CNTNAP5: variants seen among roughly 807,000 people sequenced by gnomAD.
CNTNAP5 encodes contactin associated protein family member 5.
CNTNAP5 carries 72 observed loss-of-function variants against 150.2 expected under a neutral mutation model. The observed-to-expected ratio is 0.48, with a 90% CI of 0.40 to 0.58. CNTNAP5 has a LOEUF of 0.58. Ranked by LOEUF, CNTNAP5 falls within the 20% of genes least tolerant of loss-of-function variation. CNTNAP5 has a pLI of 0.00. For synonymous variants in CNTNAP5, 672 were observed against 619.8 expected (o/e 1.08, Z -1.25); for missense variants, 1,636 against 1,626.2 (o/e 1.01, Z -0.10).
chr2:124,333,875 A>G (rs1478224778), intron 3 of CNTNAP5, among the ~76,000 whole-genome samples: 1 of 152,172 alleles, frequency 6.6e-6, no homozygotes, highest in Non-Finnish European at 1.5e-5. Flanking sequence ...ACAAATCTGA[A>G]TTTGCCCGCT....
At chr2:124,399,850 A>G (rs938838545) in intron 3 of CNTNAP5, among the ~76,000 whole-genome samples, 1 of 152,138 alleles carries the variant, frequency 6.6e-6, no homozygotes, top group Non-Finnish European at 1.5e-5. Context: ...CTGACACTTT[A>G]TTATTTGCCT....
chr2:124,757,878 T>C (rs1013425984), intron 14 of CNTNAP5, among the ~76,000 whole-genome samples: 4 of 152,194 alleles, frequency 2.6e-5, no homozygotes, highest in Admixed American at 2.0e-4. Context: ...AAGGCAACAG[T>C]GATTTAAAAT....
intron 13 of CNTNAP5, among the ~76,000 whole-genome samples, chr2:124,731,031 T>C (rs758373282): frequency 1.3e-5 from 2 of 152,112 alleles, no homozygotes; most frequent in Non-Finnish European, 2.9e-5. Flanking sequence ...CCCATTCTTC[T>C]TATGTTGCTG....
chr2:124,448,037 G>A (rs1692866943), intron 6 of CNTNAP5, among the ~76,000 whole-genome samples: 1 of 152,074 alleles, frequency 6.6e-6, no homozygotes, highest in Non-Finnish European at 1.5e-5. Context: ...GGGAAACTGA[G>A]ACCAGCAGAT....
intron 21 of CNTNAP5, among the ~76,000 whole-genome samples, chr2:124,889,527 A>C (rs1480998336): frequency 6.6e-6 from 1 of 152,076 alleles, no homozygotes. Flanking sequence ...TAGGATTCTT[A>C]AATATAGCAT....
intron 1 of CNTNAP5, among the ~76,000 whole-genome samples, chr2:124,036,459 T>A (rs1196652743): frequency 6.6e-6 from 1 of 152,012 alleles, no homozygotes; most frequent in Non-Finnish European, 1.5e-5. Context: ...GCCACATCCA[T>A]GAGTTGTACC....
intron 3 of CNTNAP5, among the ~76,000 whole-genome samples, chr2:124,358,233 A>G (rs578074873): frequency 1.3e-5 from 2 of 152,156 alleles, no homozygotes; most frequent in East Asian, 1.9e-4. Flanking sequence ...TAGATATACA[A>G]TCATGTCATC....
At chr2:124,556,416 T>C (rs1267667334) in intron 10 of CNTNAP5, among the ~76,000 whole-genome samples, 1 of 152,136 alleles carries the variant, frequency 6.6e-6, no homozygotes, top group Non-Finnish European at 1.5e-5. Context: ...TGGAGATATT[T>C]TGTAGGAGAA....
At chr2:124,624,890 C>A (rs1677686950) in intron 12 of CNTNAP5, among the ~76,000 whole-genome samples, 1 of 152,136 alleles carries the variant, frequency 6.6e-6, no homozygotes, top group Non-Finnish European at 1.5e-5. Flanking sequence ...TATTAGGCAC[C>A]ATGCTAGGTA....
chr2:124,212,194 C>G (rs898601331), intron 1 of CNTNAP5, among the ~76,000 whole-genome samples: 1 of 152,130 alleles, frequency 6.6e-6, no homozygotes, highest in Non-Finnish European at 1.5e-5. Flanking sequence ...TAAAAAAGTT[C>G]TACCTTCCAT....
chr2:124,280,539 T>C (rs1462525154), intron 3 of CNTNAP5, among the ~76,000 whole-genome samples: 1 of 152,032 alleles, frequency 6.6e-6, no homozygotes, highest in Non-Finnish European at 1.5e-5. Context: ...TTGTATAGAG[T>C]GAGATTTTGC....
At chr2:124,628,383 A>G (rs1286030180) in intron 12 of CNTNAP5, among the ~76,000 whole-genome samples, 1 of 152,248 alleles carries the variant, frequency 6.6e-6, no homozygotes, top group African/African-American at 2.4e-5. Flanking sequence ...GAAACTGTAC[A>G]AACCAGAAGA....
At chr2:124,641,551 G>T (rs1678094887) in intron 12 of CNTNAP5, among the ~76,000 whole-genome samples, 2 of 152,218 alleles carry the variant, frequency 1.3e-5, no homozygotes, top group Non-Finnish European at 2.9e-5. Context: ...GATGGAAAAT[G>T]AGAGGTAGAG....
At chr2:124,764,662 G>A (rs1681030253) in intron 16 of CNTNAP5, among the ~76,000 whole-genome samples, 1 of 152,150 alleles carries the variant, frequency 6.6e-6, no homozygotes, top group Admixed American at 6.6e-5. Context: ...ATGCCAGGAT[G>A]TGGATCACCT....
intron 11 of CNTNAP5, among the ~76,000 whole-genome samples, chr2:124,578,156 C>CAAA (rs556786620): frequency 1.4e-4 from 10 of 69,468 alleles, no homozygotes; most frequent in African/African-American, 3.9e-4. Flanking sequence ...ACTAAAAATA[C>CAAA]AAAAAAAAAA....
Position 124,076,428 on chromosome 2 carries a change from G to A in CNTNAP5, c.82+50696G>A, listed in dbSNP as rs550080339. On this transcript the variant is annotated intron_variant, in intron 1 of 23. Transcript: ENST00000682447. ...GATTATAATATTACAGTGTACTACA[G>A]GTACTATAGTGTTCACATTTGAAGC... Among the ~76,000 whole-genome samples the A allele has an allele frequency of 1.3e-4, 20 of 152,210 alleles. 1 individual carries two copies. The South Asian group carries it at 4.1e-3, about 32-fold the overall frequency.
In CNTNAP5 at chr2:124,908,385, A is replaced by C. The variant is rs115497135; in HGVS notation, c.3656-3082A>C. On this transcript the variant is annotated intron_variant, in intron 22 of 23. Coordinates refer to ENST00000682447, the MANE Select transcript of CNTNAP5 (RefSeq NM_001367498.1). ...GACTCAGTCTCAATAAAAAGAAAAG[A>C]AAAGAAAAAAACAAAACAAAACAAA... 9.4e-3 allele frequency among the ~76,000 whole-genome samples: 1,434 copies of C among 152,162 alleles called. 33 individuals carry two copies. Among genetic ancestry groups the C allele is most frequent in the African/African-American group, 0.033 (1,369 of 41,494 alleles).
intron 1 of CNTNAP5, among the ~76,000 whole-genome samples, chr2:124,127,056 C>A (rs1199606316): frequency 6.6e-6 from 1 of 152,094 alleles, no homozygotes; most frequent in Non-Finnish European, 1.5e-5. Flanking sequence ...GAAGTTCTGG[C>A]CGGAGCAATC....
chr2:124,796,887 T>C (rs1573623398), intron 18 of CNTNAP5, among the ~76,000 whole-genome samples: 1 of 152,190 alleles, frequency 6.6e-6, no homozygotes, highest in East Asian at 1.9e-4. Flanking sequence ...CCCCACACAC[T>C]CTGTTACTGT....
Sources: allele counts gnomAD v4.1 joint callset (sites outside exome capture counted in the v4.1 genomes callset), GRCh38; gene constraint gnomAD v4.1.1; transcripts MANE v1.5; gene names NCBI Gene and HGNC (gene_info 2026-07-23, HGNC 2026-07-21).